Variants in SELENOF observed in about 807,000 individuals in gnomAD.
SELENOF encodes selenoprotein F.
In SELENOF, 16 loss-of-function variants were observed where a neutral mutation model predicts 20.5. The ratio of observed to expected loss-of-function variants is 0.78; its 90% CI spans 0.53 to 1.19. SELENOF has a LOEUF of 1.19. SELENOF is among the 50% of genes most tolerant of loss of function. The pLI is 0.00. For missense variants in SELENOF, 215 were observed against 194.2 expected, an observed-to-expected ratio of 1.11 and a Z score of -0.64; for synonymous variants, 78 against 74.5, an observed-to-expected ratio of 1.05 and a Z score of -0.24.
chr1:86,885,109 A>C (rs1034637068), intron 2 of SELENOF, among the ~76,000 whole-genome samples: 3 of 152,176 alleles, frequency 2.0e-5, no homozygotes, highest in African/African-American at 7.2e-5. Flanking sequence ...GATAAATTCC[A>C]GCTTTGTGGT....
At chr1:86,898,524 T>C (rs1659584240) in intron 2 of SELENOF, among the ~76,000 whole-genome samples, 1 of 152,104 alleles carries the variant, frequency 6.6e-6, no homozygotes, top group Non-Finnish European at 1.5e-5. Flanking sequence ...GGTAACATTT[T>C]TTTATTATGT....
chr1:86,899,440 A>C, intron 2 of SELENOF, among the ~76,000 whole-genome samples: 1 of 91,214 alleles, frequency 1.1e-5, no homozygotes, highest in Non-Finnish European at 2.1e-5. Context: ...TCCCTCCCGG[A>C]CGGGGCGGCT....
At chr1:86,894,104 T>C (rs762375938) in intron 2 of SELENOF, among the ~76,000 whole-genome samples, 26 of 152,020 alleles carry the variant, frequency 1.7e-4, no homozygotes, top group Admixed American at 3.9e-4. Context: ...CCTATGCTTC[T>C]ACTGGTATTT....
At chr1:86,886,639 T>G (rs1258446890) in intron 2 of SELENOF, among the ~76,000 whole-genome samples, 3 of 152,138 alleles carry the variant, frequency 2.0e-5, no homozygotes, top group Non-Finnish European at 4.4e-5. Flanking sequence ...AAGAAGTTTT[T>G]CAAACCAAGT....
At chr1:86,911,909 G>T (rs537263733) in intron 1 of SELENOF, among the ~76,000 whole-genome samples, 1 of 151,206 alleles carries the variant, frequency 6.6e-6, no homozygotes, top group East Asian at 1.9e-4. Flanking sequence ...TCAGCCTCCC[G>T]AGTAGGCATG....
At chr1:86,907,823 A>G (rs1659869442) in intron 1 of SELENOF, among the ~76,000 whole-genome samples, 1 of 152,092 alleles carries the variant, frequency 6.6e-6, no homozygotes, top group Non-Finnish European at 1.5e-5. Context: ...GTCTCTACTA[A>G]TAATACAAAA....
intron 3 of SELENOF, 115 bp downstream of exon 3, chr1:86,880,547 G>T: frequency 5.4e-6 from 3 of 558,564 alleles, no homozygotes; most frequent in Non-Finnish European, 9.3e-6. Context: ...AGCATATATT[G>T]TTAAGAAAGT....
intron 2 of SELENOF, among the ~76,000 whole-genome samples, chr1:86,895,867 GAAGA>G (rs979584497): frequency 2.0e-5 from 3 of 152,114 alleles, no homozygotes; most frequent in Non-Finnish European, 4.4e-5. Context: ...TTTGAAGGAG[GAAGA>G]AAGAAACTAC....
upstream of SELENOF, chr1:86,914,203 C>A: frequency 1.8e-6 from 2 of 1,093,716 alleles, no homozygotes; most frequent in Non-Finnish European, 1.4e-6. Flanking sequence ...ACGGCCGTTG[C>A]CCTTACATCT....
intron 2 of SELENOF, among the ~76,000 whole-genome samples, chr1:86,887,465 T>C (rs1659250482): frequency 6.6e-6 from 1 of 152,178 alleles, no homozygotes; most frequent in Non-Finnish European, 1.5e-5. Flanking sequence ...AACAAGCAAG[T>C]AACATCTACC....
chr1:86,909,946 A>T (rs1290431412), intron 1 of SELENOF, among the ~76,000 whole-genome samples: 5 of 152,200 alleles, frequency 3.3e-5, no homozygotes, highest in African/African-American at 1.2e-4. Context: ...CGGAGATTGC[A>T]CCACTGCACT....
At chr1:86,889,602 A>C (rs1204443797) in intron 2 of SELENOF, among the ~76,000 whole-genome samples, 1 of 152,100 alleles carries the variant, frequency 6.6e-6, no homozygotes, top group East Asian at 1.9e-4. Context: ...TCAAAAACAA[A>C]CAAACAAAAC....
chr1:86,869,759 T>A (rs909767255), intron 3 of SELENOF, among the ~76,000 whole-genome samples: 2 of 151,996 alleles, frequency 1.3e-5, no homozygotes, highest in Admixed American at 1.3e-4. Context: ...CTTTCTTTCT[T>A]TCTTTTTTTG....
At chr1:86,898,992 G>C (rs1168685864) in intron 2 of SELENOF, among the ~76,000 whole-genome samples, 1 of 151,862 alleles carries the variant, frequency 6.6e-6, no homozygotes, top group Admixed American at 6.6e-5. Flanking sequence ...GACTCTTAAG[G>C]AGCATGCCGC....
intron 3 of SELENOF, 30 bp downstream of exon 3, chr1:86,880,632 G>GC (rs1273532218): frequency 1.5e-6 from 2 of 1,300,342 alleles, no homozygotes; most frequent in East Asian, 4.9e-5. Flanking sequence ...TTAAATGACT[G>GC]AACAGTTTAC....
At position 86,873,044 on chromosome 1, in the gene SELENOF, A is replaced by AAAATAAATAAAT. The variant is rs71582985; in HGVS notation, c.317-4954_317-4943dup. 2.7e-3 allele frequency among the ~76,000 whole-genome samples: 383 copies of AAAATAAATAAAT among 141,778 alleles called. 2 individuals are homozygous for AAAATAAATAAAT. Among genetic ancestry groups the AAAATAAATAAAT allele is most frequent in the East Asian group, 7.6e-3 (36 of 4,712 alleles). 93.0% of individuals were successfully genotyped at this position (141,778 alleles called of 152,430 possible). ...CCTGGGCGACAGTGTGACTCCGTCT[A>AAAATAAATAAAT]AAATAAATAAATAAATAAATAAATA... On this transcript the variant is annotated intron_variant, in intron 3 of 4. Coordinates refer to ENST00000331835, the MANE Select transcript of SELENOF (RefSeq NM_004261.5).
chr1:86,887,578 A>C (rs1337788868), intron 2 of SELENOF, among the ~76,000 whole-genome samples: 2 of 152,152 alleles, frequency 1.3e-5, no homozygotes, highest in East Asian at 3.9e-4. Flanking sequence ...ATACAAAAAA[A>C]CCCCTAAAAA....
At chr1:86,888,621 C>A (rs1659290441) in intron 2 of SELENOF, among the ~76,000 whole-genome samples, 1 of 152,196 alleles carries the variant, frequency 6.6e-6, no homozygotes, top group Non-Finnish European at 1.5e-5. Context: ...CCCTCCAATA[C>A]TGAACAACCA....
At chr1:86,863,721 G>T (rs896704840) in intron 4 of SELENOF, 116 bp from the exon 5 acceptor site, 2 of 851,480 alleles carry the variant, frequency 2.3e-6, no homozygotes, top group African/African-American at 1.8e-5. Flanking sequence ...AAGGCTTTTA[G>T]ACATGACAAT....
Sources: allele counts gnomAD v4.1 joint callset (sites outside exome capture counted in the v4.1 genomes callset), GRCh38; gene constraint gnomAD v4.1.1; transcripts MANE v1.5; gene names NCBI Gene and HGNC (gene_info 2026-07-23, HGNC 2026-07-21).